The following PTPRD variants were observed in gnomAD, a reference collection of about 807,000 sequenced individuals.
PTPRD encodes receptor-type tyrosine-protein phosphatase delta.
PTPRD carries 34 observed loss-of-function variants against 214.5 expected under a neutral mutation model. The observed-to-expected ratio is 0.16, with a 90% CI of 0.12 to 0.21. The LOEUF (loss-of-function observed/expected upper bound fraction) is 0.21. Among genes scored for constraint, PTPRD ranks in the 10% least tolerant of loss-of-function variants. PTPRD has a pLI of 1.00. For synonymous variants in PTPRD, 1,128 were observed against 845.7 expected (o/e 1.33, Z -5.79); for missense variants, 2,545 against 2,398.7 (o/e 1.06, Z -1.27).
chr9:8,400,745 G>A (rs1281949567), intron 36 of PTPRD, among the ~76,000 whole-genome samples: 3 of 152,088 alleles, frequency 2.0e-5, no homozygotes, highest in Admixed American at 2.0e-4. Context: ...GTGTGACTCT[G>A]GGCCAATCCT....
chr9:8,476,680 T>C (rs1170275221), intron 30 of PTPRD, among the ~76,000 whole-genome samples: 1 of 152,200 alleles, frequency 6.6e-6, no homozygotes, highest in Non-Finnish European at 1.5e-5. Context: ...TATATATTTA[T>C]AAAAACATTA....
intron 12 of PTPRD, among the ~76,000 whole-genome samples, chr9:8,667,559 C>A (rs145906416): frequency 6.6e-6 from 1 of 151,918 alleles, no homozygotes; most frequent in Non-Finnish European, 1.5e-5. Flanking sequence ...TCATTTCATG[C>A]ACAAACTTAT....
At chr9:9,079,215 C>A (rs1040206727) in intron 10 of PTPRD, among the ~76,000 whole-genome samples, 2 of 151,978 alleles carry the variant, frequency 1.3e-5, no homozygotes, top group Non-Finnish European at 2.9e-5. Flanking sequence ...TTTCCCCCAC[C>A]CTTCCCAGCC....
intron 8 of PTPRD, among the ~76,000 whole-genome samples, chr9:9,547,714 T>A (rs1403013189): frequency 6.6e-6 from 1 of 151,806 alleles, no homozygotes; most frequent in Non-Finnish European, 1.5e-5. Flanking sequence ...TGAAGGCTAT[T>A]TTCCAAACTT....
In PTPRD at chr9:9,516,224, T is replaced by C. The variant is rs1002575659; in HGVS notation, c.-237+58508A>G. Among the ~76,000 whole-genome samples the C allele has an allele frequency of 2.6e-5, 4 of 152,146 alleles. No individual in the cohort carries two copies. The East Asian group carries it at 5.8e-4, about 22-fold the overall frequency. On this transcript the variant is annotated intron_variant, in intron 8 of 45. Transcript: ENST00000381196. Reference sequence around the variant, plus strand: ...ATATAAACAAAAGGAAAGTTAATTCTACAGTCCATCTAAATCTATTTTAAC... The same window carrying C: ...ATATAAACAAAAGGAAAGTTAATTCCACAGTCCATCTAAATCTATTTTAAC...
chr9:9,409,875 A>T (rs2074806765), intron 8 of PTPRD, among the ~76,000 whole-genome samples: 1 of 151,882 alleles, frequency 6.6e-6, no homozygotes, highest in South Asian at 2.1e-4. Context: ...TATACAATAC[A>T]GATAACGATA....
chr9:9,798,823 T>A (rs901088897), intron 5 of PTPRD, among the ~76,000 whole-genome samples: 1 of 152,148 alleles, frequency 6.6e-6, no homozygotes, highest in Non-Finnish European at 1.5e-5. Context: ...GTCTTAGATA[T>A]GGAGATATAA....
chr9:10,177,438 T>C (rs1159103639), intron 3 of PTPRD, among the ~76,000 whole-genome samples: 4 of 140,630 alleles, frequency 2.8e-5, no homozygotes, highest in Non-Finnish European at 6.2e-5. Flanking sequence ...AGGAAAGTTG[T>C]TAAAATGTTG....
chr9:9,588,440 G>C (rs974088948), intron 7 of PTPRD, among the ~76,000 whole-genome samples: 11 of 151,906 alleles, frequency 7.2e-5, no homozygotes, highest in African/African-American at 2.4e-4. Context: ...AATCAACTTA[G>C]GCAAGGGGGT....
intron 3 of PTPRD, among the ~76,000 whole-genome samples, chr9:10,302,567 A>T (rs2095896298): frequency 6.6e-6 from 1 of 152,220 alleles, no homozygotes; most frequent in South Asian, 2.1e-4. Flanking sequence ...GGGATGGAGA[A>T]ATATTTACCA....
chr9:9,363,274 A>T lies in PTPRD; in HGVS notation c.-203+34175T>A, dbSNP rs910003855. ...CCAAAAGGCATCTAAAATGCCTCTC[A>T]GAATCATAACAAGTCTTAACATTCT... On this transcript the variant is annotated intron_variant, in intron 9 of 45. Transcript: ENST00000381196. Among the ~76,000 whole-genome samples the T allele has an allele frequency of 2.0e-5, 3 of 151,184 alleles. No homozygotes were observed. In the Admixed American group the frequency reaches 2.0e-4, roughly 10 times the overall value.
chr9:9,354,909 C>G (rs976586950), intron 9 of PTPRD, among the ~76,000 whole-genome samples: 6 of 151,508 alleles, frequency 4.0e-5, no homozygotes, highest in African/African-American at 1.2e-4. Context: ...ATAGTCCATG[C>G]CTGGCATTTT....
At chr9:10,026,643 A>T (rs1391649457) in intron 4 of PTPRD, among the ~76,000 whole-genome samples, 1 of 152,140 alleles carries the variant, frequency 6.6e-6, no homozygotes, top group Non-Finnish European at 1.5e-5. Flanking sequence ...TTGTTTTCTC[A>T]ATAGAGGAGC....
chr9:8,534,934 A>C (rs972323634), intron 14 of PTPRD, among the ~76,000 whole-genome samples: 35 of 152,070 alleles, frequency 2.3e-4, no homozygotes, highest in African/African-American at 7.9e-4. Context: ...TAGTCAACAG[A>C]TGGCATCATT....
At chr9:9,807,439 G>C (rs186806764) in intron 5 of PTPRD, among the ~76,000 whole-genome samples, 1 of 152,062 alleles carries the variant, frequency 6.6e-6, no homozygotes, top group East Asian at 1.9e-4. Context: ...ATGCGATGTT[G>C]GCTAGGAAGC....
chr9:9,418,953 G>A (rs1374613233), intron 8 of PTPRD, among the ~76,000 whole-genome samples: 5 of 151,856 alleles, frequency 3.3e-5, no homozygotes, highest in Non-Finnish European at 7.4e-5. Context: ...CAGAAAGAGT[G>A]TAGTGGAGAA....
chr9:8,771,776 G>C (rs558892331), intron 11 of PTPRD, among the ~76,000 whole-genome samples: 2 of 151,124 alleles, frequency 1.3e-5, no homozygotes, highest in Non-Finnish European at 2.9e-5. Flanking sequence ...CCTTGTTTTA[G>C]ATGACCAAAC....
At chr9:9,964,536 C>T (rs1303890315) in intron 4 of PTPRD, among the ~76,000 whole-genome samples, 1 of 152,138 alleles carries the variant, frequency 6.6e-6, no homozygotes, top group Non-Finnish European at 1.5e-5. Flanking sequence ...AATTATGACT[C>T]AGTGGAAACG....
chr9:10,094,779 C>A (rs2098466689), intron 3 of PTPRD, among the ~76,000 whole-genome samples: 1 of 151,276 alleles, frequency 6.6e-6, no homozygotes, highest in Non-Finnish European at 1.5e-5. Context: ...AGCTAATTTT[C>A]CAGGCCTAAG....
Sources: allele counts gnomAD v4.1 joint callset (sites outside exome capture counted in the v4.1 genomes callset), GRCh38; gene constraint gnomAD v4.1.1; transcripts MANE v1.5; gene names NCBI Gene and HGNC (gene_info 2026-07-23, HGNC 2026-07-21).